ADARB2: variants seen among roughly 807,000 people sequenced by gnomAD.
The protein encoded by ADARB2 is adenosine deaminase RNA specific B2 (inactive).
Under a neutral mutation model 62.2 loss-of-function variants are expected in ADARB2, and 25 were observed. The ratio of observed to expected loss-of-function variants is 0.40; its 90% confidence interval spans 0.29 to 0.56. ADARB2 has a LOEUF of 0.56. ADARB2 is among the 20% of genes least tolerant of loss of function. The pLI is 0.43. For synonymous variants in ADARB2, 572 were observed against 500.8 expected, an observed-to-expected ratio of 1.14 and a Z score of -1.90; for missense variants, 1,071 against 1,077.4, an observed-to-expected ratio of 0.99 and a Z score of 0.08.
intron 1 of ADARB2, among the ~76,000 whole-genome samples, chr10:1,518,639 A>T (rs992688133): frequency 6.6e-6 from 1 of 150,988 alleles, no homozygotes; most frequent in Non-Finnish European, 1.5e-5. Context: ...TCCGTGTAAC[A>T]TGTGCATGTG....
At chr10:1,200,208 T>G in intron 7 of ADARB2, 61 bp from the exon 8 acceptor site, 1 of 1,546,046 alleles carries the variant, frequency 6.5e-7, no homozygotes, top group Non-Finnish European at 8.7e-7. Context: ...CCTGGTCCTC[T>G]CTGTCCGTCT....
chr10:1,363,646 G>A lies in ADARB2; in HGVS notation c.459C>T (p.Ala153=), dbSNP rs566764885. The change falls in exon 3 of 10, where the codon GCC becomes GCT. Residue 153 remains alanine, a synonymous_variant. Coordinates refer to ENST00000381312, the MANE Select transcript of ADARB2 (RefSeq NM_018702.4). ...CCTCCACCGCTACCGCGAAGACCGG[G>A]GCATGCACCGGGCCCGTCTGCGACA... ...RTVSQTGPVH[A]PVFAVAVEVN... The A allele has an allele frequency of 1.2e-6, 2 of 1,606,790 alleles. No homozygotes were observed. The highest frequency in any genetic ancestry group is 2.2e-5 in the South Asian group (2 of 90,634).
chr10:1,378,350 C>T (rs935493168), intron 2 of ADARB2, among the ~76,000 whole-genome samples: 2 of 152,166 alleles, frequency 1.3e-5, no homozygotes, highest in African/African-American at 2.4e-5. Flanking sequence ...TTGTTAAATA[C>T]TTGTACAAAC....
At chr10:1,251,622 A>G (rs187593864) in intron 4 of ADARB2, among the ~76,000 whole-genome samples, 3 of 152,206 alleles carry the variant, frequency 2.0e-5, no homozygotes, top group African/African-American at 7.2e-5. Context: ...AAATAAAATA[A>G]GGGATAATGT....
chr10:1,263,845 A>G (rs1831168048), intron 4 of ADARB2, among the ~76,000 whole-genome samples: 1 of 152,170 alleles, frequency 6.6e-6, no homozygotes, highest in Non-Finnish European at 1.5e-5. Context: ...AGGCTAAACT[A>G]TTTAAATGTT....
rs1564213214 is a variant in ADARB2 at position 1,183,222 on chromosome 10, C to T, written c.2191G>A (p.Glu731Lys). The part of the protein sequence containing the change: ...GLGTWVRKPP[E>K]QQQFLLTL ...AGAGTCAGTAGAAACTGCTGCTGCT[C>T]CGGTGGTTTCCTCACCCAGGTGCCC... is the stretch of plus-strand genomic sequence containing the variant. Residue 731 changes from glutamate to lysine, a missense_variant, in exon 10 of 10, where the codon GAG (glutamate) becomes AAG (lysine). Coordinates refer to ENST00000381312, the MANE Select transcript of ADARB2 (RefSeq NM_018702.4). 1.2e-6 allele frequency: 2 copies of T among 1,613,674 alleles called. No individual in the cohort carries two copies. The highest frequency in any genetic ancestry group is 1.7e-6 in the Non-Finnish European group (2 of 1,180,012).
At chr10:1,302,969 G>A (rs904407978) in intron 3 of ADARB2, among the ~76,000 whole-genome samples, 56 of 152,286 alleles carry the variant, frequency 3.7e-4, no homozygotes, top group East Asian at 2.1e-3. Flanking sequence ...AAATCAGAGC[G>A]CCTCTCCTCC....
intron 1 of ADARB2, among the ~76,000 whole-genome samples, chr10:1,505,288 C>T (rs1230330041): frequency 6.6e-6 from 1 of 152,196 alleles, no homozygotes; most frequent in Non-Finnish European, 1.5e-5. Flanking sequence ...TAACCCGCAT[C>T]CTGCGTTGTT....
chr10:1,520,873 T>C (rs557106761), intron 1 of ADARB2, among the ~76,000 whole-genome samples: 2 of 152,260 alleles, frequency 1.3e-5, no homozygotes, highest in South Asian at 2.1e-4. Context: ...ATATGTAGCA[T>C]TGAGATGCAA....
intron 3 of ADARB2, among the ~76,000 whole-genome samples, chr10:1,279,874 T>A (rs1831355046): frequency 6.6e-6 from 1 of 152,138 alleles, no homozygotes; most frequent in Non-Finnish European, 1.5e-5. Flanking sequence ...GGTGGGCAAA[T>A]TGCACCCCGA....
intron 1 of ADARB2, among the ~76,000 whole-genome samples, chr10:1,424,981 C>T (rs1196237765): frequency 6.6e-6 from 1 of 152,114 alleles, no homozygotes; most frequent in Non-Finnish European, 1.5e-5. Flanking sequence ...AAGCATTTAT[C>T]AGCTGCATGA....
chr10:1,419,146 C>A (rs1218330023), intron 1 of ADARB2, among the ~76,000 whole-genome samples: 1 of 152,032 alleles, frequency 6.6e-6, no homozygotes, highest in South Asian at 2.1e-4. Context: ...CAGGCTGGAG[C>A]ACAATGGCAT....
chr10:1,547,318 G>A (rs1408162786), intron 1 of ADARB2, among the ~76,000 whole-genome samples: 1 of 144,832 alleles, frequency 6.9e-6, no homozygotes, highest in African/African-American at 2.6e-5. Flanking sequence ...TGTGTTGGGG[G>A]AGAGAGAGGC....
chr10:1,391,441 G>A (rs1057144115), intron 1 of ADARB2, among the ~76,000 whole-genome samples: 1 of 152,144 alleles, frequency 6.6e-6, no homozygotes, highest in African/African-American at 2.4e-5. Flanking sequence ...TCCATTCTTT[G>A]GGTTTGGACA....
chr10:1,183,491 AT>A, intron 9 of ADARB2, 122 bp from the exon 10 acceptor site: 1 of 1,235,280 alleles, frequency 8.1e-7, no homozygotes, highest in East Asian at 2.5e-5. Flanking sequence ...TTCTCCCACT[AT>A]TACAGAGAGC....
intron 1 of ADARB2, among the ~76,000 whole-genome samples, chr10:1,650,959 G>C (rs1834102785): frequency 6.6e-6 from 1 of 152,206 alleles, no homozygotes; most frequent in Non-Finnish European, 1.5e-5. Context: ...GCTGACTTTA[G>C]CAGCTTGGTC....
intron 1 of ADARB2, among the ~76,000 whole-genome samples, chr10:1,571,480 T>C (rs1832932322): frequency 6.6e-6 from 1 of 152,242 alleles, no homozygotes. Context: ...CCACTGGGAT[T>C]TGAAATGTTT....
At chr10:1,203,692 G>C (rs1421068829) in intron 7 of ADARB2, among the ~76,000 whole-genome samples, 2 of 152,150 alleles carry the variant, frequency 1.3e-5, no homozygotes, top group Non-Finnish European at 2.9e-5. Context: ...TGTGAGCCAG[G>C]GTTGAAGACT....
intron 3 of ADARB2, among the ~76,000 whole-genome samples, chr10:1,301,064 G>A (rs1404802770): frequency 2.6e-5 from 4 of 152,142 alleles, no homozygotes; most frequent in South Asian, 2.1e-4. Flanking sequence ...ACCAAATACA[G>A]GGCACATAAG....
Sources: gnomAD v4.1 joint callset for allele counts (sites outside exome capture counted in the v4.1 genomes callset) on GRCh38, gnomAD v4.1.1 for gene constraint, MANE v1.5 for transcripts, NCBI Gene and HGNC (gene_info 2026-07-23, HGNC 2026-07-21) for gene names.